Variants in CCT7 observed in about 807,000 individuals in gnomAD.
CCT7 encodes the protein T-complex protein 1 subunit eta.
CCT7 carries 16 observed loss-of-function variants against 56.6 expected under a neutral mutation model. The observed-to-expected ratio is 0.28, with a 90% CI of 0.19 to 0.43. The LOEUF is 0.43. Among genes scored for constraint, CCT7 ranks in the 20% least tolerant of loss-of-function variants. The probability of loss-of-function intolerance (pLI) is 1.00; values close to 1 mark genes in which losing one functional copy is unlikely to be tolerated. For missense variants in CCT7, 519 were observed against 685.6 expected (o/e 0.76, Z 2.71); for synonymous variants, 262 against 254.8 (o/e 1.03, Z -0.27).
chr2:73,252,846 T>TGGCCGC lies in CCT7; in HGVS notation c.1618_1623dup (p.Gly540_Arg541dup). ...CAGCAGCAGGCCGGGGCCGTGGTCG[T>TGGCCGC]GGCCGCCCCCACTGAGAGGCACCCC... is the stretch of plus-strand genomic sequence containing the variant. On this transcript the variant is annotated inframe_insertion, in exon 12 of 12. Coordinates refer to ENST00000258091, the MANE Select transcript of CCT7 (RefSeq NM_006429.4). The TGGCCGC allele has an allele frequency of 6.2e-7, 1 of 1,613,404 alleles. No individual in the cohort carries two copies. Among genetic ancestry groups the TGGCCGC allele is most frequent in the Non-Finnish European group, 8.5e-7 (1 of 1,179,656 alleles).
intron 1 of CCT7, among the ~76,000 whole-genome samples, chr2:73,238,544 C>CT (rs1686971782): frequency 6.6e-6 from 1 of 152,268 alleles, no homozygotes; most frequent in Non-Finnish European, 1.5e-5. Flanking sequence ...CCACGTACCT[C>CT]TAAGGACTAG....
intron 3 of CCT7, among the ~76,000 whole-genome samples, chr2:73,242,360 A>G (rs770205007): frequency 1.3e-5 from 2 of 151,928 alleles, no homozygotes; most frequent in Admixed American, 1.3e-4. Flanking sequence ...GCTCACTGCA[A>G]CCTCTGCCTC....
chr2:73,252,379 G>A (rs1687632144), intron 11 of CCT7, among the ~76,000 whole-genome samples: 1 of 147,888 alleles, frequency 6.8e-6, no homozygotes, highest in Non-Finnish European at 1.5e-5. Flanking sequence ...GGATGGGGCC[G>A]CCCCAAAACA....
rs1019269841 is a variant in CCT7 at position 73,247,788 on chromosome 2, A to G, written c.645A>G (p.Ala215=). 2 of 1,613,946 alleles carry G rather than the reference A, an allele frequency of 1.2e-6. No homozygotes were observed. The highest frequency in any genetic ancestry group is 2.7e-5 in the African/African-American group (2 of 74,924). Residue 215 remains alanine, a synonymous_variant, in exon 7 of 12, where the codon GCA becomes GCG. Coordinates refer to ENST00000258091, the MANE Select transcript of CCT7 (RefSeq NM_006429.4). Reference sequence around the variant, plus strand: ...ATTCTCAGCTGGTAGCTGGTGTTGCATTCAAGAAGACTTTCTCTTACGCTG... The same window carrying G: ...ATTCTCAGCTGGTAGCTGGTGTTGCGTTCAAGAAGACTTTCTCTTACGCTG... ...LEDSQLVAGV[A]FKKTFSYAGF...
chr2:73,240,524 C>A lies in CCT7; in HGVS notation c.248C>A (p.Ala83Asp). ...HPAAKTLVDI[A>D]KSQDAEVGDG... ...GCAGCAAAGACTTTGGTAGACATTGCCAAATCCCAAGATGCTGAGGTAGGA... is the reference window on the plus strand; with the variant it reads ...GCAGCAAAGACTTTGGTAGACATTGACAAATCCCAAGATGCTGAGGTAGGA... Residue 83 changes from alanine (A) to aspartate (D), a missense_variant, in exon 3 of 12, where the codon GCC (alanine) becomes GAC (aspartate). By Grantham distance (126) the Ala-to-Asp change is moderately radical (BLOSUM62 -2). This residue lies in a region of CCT7 where 276 missense variants were observed against 357.3 expected (regional missense o/e 0.77). Coordinates refer to ENST00000258091, the MANE Select transcript of CCT7 (RefSeq NM_006429.4). 1 of 1,601,630 alleles carries A rather than the reference C, an allele frequency of 6.2e-7. No individual in the cohort carries two copies. The highest frequency in any genetic ancestry group is 1.1e-5 in the South Asian group (1 of 89,654).
At position 73,251,229 on chromosome 2, in the gene CCT7, G is replaced by A; in HGVS notation, c.1207G>A (p.Asp403Asn). ...IMIVRRAIKNDSVVAGGGAIE... is the reference protein window; with the variant it reads ...IMIVRRAIKNNSVVAGGGAIE... ...AGAGGTGGTCTGATCTCTGCAGAATGATTCAGTGGTGGCTGGTGGCGGGGC... is the reference window on the plus strand; with the variant it reads ...AGAGGTGGTCTGATCTCTGCAGAATAATTCAGTGGTGGCTGGTGGCGGGGC... The change falls in exon 11 of 12, where the codon GAT becomes AAT. Residue 403 changes from aspartate to asparagine, a missense_variant. Transcript: ENST00000258091. 2 of 1,614,116 alleles carry A rather than the reference G, an allele frequency of 1.2e-6. No homozygotes were observed. Among genetic ancestry groups the A allele is most frequent in the Non-Finnish European group, 1.7e-6 (2 of 1,179,998 alleles).
chr2:73,243,304 A>G, intron 4 of CCT7, 175 bp downstream of exon 4: 1 of 669,486 alleles, frequency 1.5e-6, no homozygotes, highest in South Asian at 1.9e-5. Context: ...GATGAGGTGT[A>G]TTACTTAATC....
At position 73,240,555 on chromosome 2, in the gene CCT7, G is replaced by A. The variant is rs1318263417; in HGVS notation, c.267+12G>A. The A allele has an allele frequency of 2.9e-6, 4 of 1,399,748 alleles. No homozygotes were observed. Among genetic ancestry groups the A allele is most frequent in the Non-Finnish European group, 3.9e-6 (4 of 1,025,624 alleles). 86.7% of individuals were successfully genotyped at this position (1,399,748 alleles called of 1,614,324 possible). A position where few individuals can be genotyped will look rare whatever the true frequency, so the allele number is the denominator to read the frequency against. ...CCCAAGATGCTGAGGTAGGAAAATA[G>A]TTGTGTGTTTAAATGGAGGTTGAAA... On this transcript the variant is annotated intron_variant, in intron 3 of 11. Coordinates refer to ENST00000258091, the MANE Select transcript of CCT7 (RefSeq NM_006429.4).
chr2:73,246,915 G>T (rs752552655), intron 6 of CCT7, among the ~76,000 whole-genome samples: 1 of 152,236 alleles, frequency 6.6e-6, no homozygotes, highest in Non-Finnish European at 1.5e-5. Context: ...TAGAATTGTA[G>T]ATGAGCACTG....
chr2:73,248,210 G>C (rs1299415799), intron 7 of CCT7, among the ~76,000 whole-genome samples: 5 of 152,164 alleles, frequency 3.3e-5, no homozygotes, highest in Non-Finnish European at 7.4e-5. Context: ...GGTTCCTCTT[G>C]TTGGTGCAAG....
chr2:73,242,284 A>T (rs1346621624), intron 3 of CCT7, among the ~76,000 whole-genome samples: 2 of 151,744 alleles, frequency 1.3e-5, no homozygotes. Flanking sequence ...CTCCTGCAGT[A>T]CCTTTTGCTT....
intron 11 of CCT7, 148 bp downstream of exon 11, chr2:73,251,580 C>G (rs1687585057): frequency 1.5e-6 from 1 of 667,584 alleles, no homozygotes; most frequent in Non-Finnish European, 2.6e-6. Flanking sequence ...ACTCCCTCCT[C>G]TGAGGGCAGA....
chr2:73,235,530 T>A (rs1686841294), intron 1 of CCT7: 1 of 1,001,514 alleles, frequency 1.0e-6, no homozygotes, highest in African/African-American at 1.7e-5. Context: ...CAGTACTTCC[T>A]CTCCCCTTTA....
At chr2:73,243,972 C>G (rs758948153) in intron 4 of CCT7, 25 bp from the exon 5 acceptor site, 4 of 1,611,424 alleles carry the variant, frequency 2.5e-6, no homozygotes, top group South Asian at 1.1e-5. Context: ...GCATGAGAGA[C>G]TCATTCAACT....
At position 73,252,535 on chromosome 2, in the gene CCT7, T is replaced by G. The variant is rs1460936126; in HGVS notation, c.1411-105T>G. On this transcript the variant is annotated intron_variant, in intron 11 of 11. Transcript: ENST00000258091. ...ATTCTTCAGCGAAATGCCACCAAGT[T>G]CAGAGAGTCTGCGGGTTCCTAGCAG... is the stretch of plus-strand genomic sequence containing the variant. 3.5e-6 allele frequency: 3 copies of G among 853,900 alleles called. No homozygotes were observed. The African/African-American group carries it at 5.0e-5, about 14-fold the overall frequency. 52.9% of individuals were successfully genotyped at this position (853,900 alleles called of 1,614,324 possible). A position where few individuals can be genotyped will look rare whatever the true frequency, so the allele number is the denominator to read the frequency against.
At chr2:73,251,766 T>C (rs1262280062) in intron 11 of CCT7, among the ~76,000 whole-genome samples, 2 of 151,806 alleles carry the variant, frequency 1.3e-5, no homozygotes, top group African/African-American at 4.8e-5. Context: ...AGTGAAACCC[T>C]ATGTCTACTA....
chr2:73,239,296 TG>T (rs760818048), intron 1 of CCT7: 4 of 186,812 alleles, frequency 2.1e-5, no homozygotes, highest in Non-Finnish European at 4.4e-5. Context: ...CTCTTCCTCC[TG>T]TGTTGTGACC....
Position 73,251,082 on chromosome 2 carries a change from G to C in CCT7, c.1204-144G>C. 4.3e-6 allele frequency: 3 copies of C among 693,180 alleles called. No individual in the cohort carries two copies. The South Asian group carries it at 5.4e-5, about 12-fold the overall frequency. 42.9% of individuals were successfully genotyped at this position (693,180 alleles called of 1,614,324 possible). On this transcript the variant is annotated intron_variant, in intron 10 of 11. Transcript: ENST00000258091. ...TTGAAGTTGGGATGTTCTAGATAGG[G>C]GCTGTGTCTGGGCGTTTGGGGCTTG...
Position 73,243,285 on chromosome 2 carries a change from T to C in CCT7, c.393+156T>C. On this transcript the variant is annotated intron_variant, in intron 4 of 11. Transcript: ENST00000258091. ...TAGTAATCTCAGTTCTACTAATCTG[T>C]AGCCATTTGATGAGGTGTATTACTT... is the stretch of plus-strand genomic sequence containing the variant. 7 of 767,584 alleles carry C rather than the reference T, an allele frequency of 9.1e-6. No individual in the cohort carries two copies. The South Asian group carries it at 1.2e-4, about 13-fold the overall frequency. The allele number at this position is 767,584 out of a possible 1,614,324, so 47.5% of individuals were successfully genotyped here.
Sources: allele counts gnomAD v4.1 joint callset (sites outside exome capture counted in the v4.1 genomes callset), GRCh38; gene constraint gnomAD v4.1.1; regional missense constraint gnomAD v4.1.1; transcripts MANE v1.5; gene names NCBI Gene and HGNC (gene_info 2026-07-23, HGNC 2026-07-21).